IL16: variants seen among roughly 807,000 people sequenced by gnomAD.
IL16 encodes the protein pro-interleukin-16.
Under a neutral mutation model 110.1 loss-of-function variants are expected in IL16, and 67 were observed. The observed-to-expected ratio is 0.61, with a 90% CI of 0.50 to 0.75. The LOEUF (loss-of-function observed/expected upper bound fraction) is 0.75, where lower values mean the gene tolerates loss of function less well. Ranked by LOEUF, IL16 falls within the 30% of genes least tolerant of loss-of-function variation. IL16 has a pLI of 0.00. For missense variants in IL16, 1,545 were observed against 1,655.0 expected (o/e 0.93, Z 1.15); for synonymous variants, 689 against 662.9 (o/e 1.04, Z -0.61).
rs561382336 is a variant in IL16 at position 81,290,600 on chromosome 15, T to G, written c.1420+60T>G. The G allele has an allele frequency of 5.1e-6, 6 of 1,173,674 alleles. No homozygotes were observed. In the East Asian group the frequency reaches 9.6e-5, roughly 19 times the overall value. 72.7% of individuals were successfully genotyped at this position (1,173,674 alleles called of 1,614,324 possible). On this transcript the variant is annotated intron_variant, in intron 11 of 18. Transcript: ENST00000683961. ...TTTGCCTTCTTAGAAAGCTTAGGAT[T>G]TATCCATTAACTCATCCTCTATCCA... is the stretch of plus-strand genomic sequence containing the variant.
intron 12 of IL16, 120 bp from the exon 13 acceptor site, chr15:81,296,808 T>C (rs896927453): frequency 1.1e-6 from 1 of 873,792 alleles, no homozygotes; most frequent in Non-Finnish European, 1.8e-6. Context: ...TGGCTGCTGA[T>C]GAACTTCTCA....
chr15:81,281,686 C>T (rs1416648052), intron 8 of IL16, among the ~76,000 whole-genome samples: 1 of 152,250 alleles, frequency 6.6e-6, no homozygotes, highest in African/African-American at 2.4e-5. Flanking sequence ...CATAGCCCTC[C>T]CTGCTTTGGT....
intron 1 of IL16, among the ~76,000 whole-genome samples, chr15:81,206,895 C>T (rs113648489): frequency 5.0e-5 from 6 of 119,026 alleles, no homozygotes; most frequent in East Asian, 3.0e-4. Flanking sequence ...ATGATGATGA[C>T]GATGACATGG....
intron 2 of IL16, among the ~76,000 whole-genome samples, chr15:81,241,176 C>T (rs1897324441): frequency 6.6e-6 from 1 of 151,978 alleles, no homozygotes; most frequent in South Asian, 2.1e-4. Flanking sequence ...GATTTGTATG[C>T]CAATAAGCCA....
At chr15:81,215,278 A>T (rs1480235433) in intron 1 of IL16, among the ~76,000 whole-genome samples, 2 of 152,204 alleles carry the variant, frequency 1.3e-5, no homozygotes, top group Non-Finnish European at 2.9e-5. Flanking sequence ...TAAGTTGATT[A>T]TACTTAGTTG....
At chr15:81,274,340 G>A (rs1051961360) in intron 6 of IL16, among the ~76,000 whole-genome samples, 9 of 152,188 alleles carry the variant, frequency 5.9e-5, no homozygotes, top group African/African-American at 2.2e-4. Context: ...GAAATGAAAT[G>A]AAATCCAAAT....
chr15:81,260,904 A>G (rs77176404), intron 3 of IL16, among the ~76,000 whole-genome samples: 348 of 152,370 alleles, frequency 2.3e-3, no homozygotes, highest in Non-Finnish European at 3.9e-3. Flanking sequence ...TTTTCTAGAA[A>G]TGGAATTTGG....
intron 1 of IL16, among the ~76,000 whole-genome samples, chr15:81,183,918 G>A (rs982498548): frequency 1.3e-5 from 2 of 152,214 alleles, no homozygotes; most frequent in African/African-American, 2.4e-5. Context: ...CTAAGATAAA[G>A]TGTGTGAAAT....
chr15:81,292,679 G>C lies in IL16; in HGVS notation c.1544G>C (p.Ser515Thr). ...KVMIRSSSDS[S>T]YMSGSPGGSP... ...ATGATCCGCTCCAGCAGTGACAGCA[G>C]CTACATGTCTGGGTCCCCAGGGGGA... Residue 515 changes from serine (S) to threonine (T), a missense_variant, in exon 12 of 19, where the codon AGC (serine) becomes ACC (threonine). By Grantham distance (58) the Ser-to-Thr change is moderately conservative. Transcript: ENST00000683961. 6.2e-7 allele frequency: 1 copy of C among 1,614,204 alleles called. No individual in the cohort carries two copies. The highest frequency in any genetic ancestry group is 8.5e-7 in the Non-Finnish European group (1 of 1,180,032).
intron 12 of IL16, among the ~76,000 whole-genome samples, chr15:81,294,942 C>T (rs1899914255): frequency 6.6e-6 from 1 of 152,162 alleles, no homozygotes; most frequent in African/African-American, 2.4e-5. Flanking sequence ...AGTCTTTTCT[C>T]TACAGGGTCC....
intron 9 of IL16, among the ~76,000 whole-genome samples, chr15:81,284,211 C>T (rs1323820934): frequency 6.6e-6 from 1 of 152,172 alleles, no homozygotes; most frequent in African/African-American, 2.4e-5. Flanking sequence ...ACTTTGCACT[C>T]TAACATTTGT....
chr15:81,191,825 C>CG (rs1895501922), intron 1 of IL16, among the ~76,000 whole-genome samples: 1 of 152,116 alleles, frequency 6.6e-6, no homozygotes. Flanking sequence ...AAGAAAGAGC[C>CG]AGAAGGCCAG....
chr15:81,285,194 TGTTGA>T (rs1899389497), intron 9 of IL16, among the ~76,000 whole-genome samples: 1 of 152,160 alleles, frequency 6.6e-6, no homozygotes, highest in Admixed American at 6.5e-5. Flanking sequence ...ACTGCTCTCC[TGTTGA>T]GTTATTTTTT....
At chr15:81,219,825 C>T (rs1896555062) in intron 1 of IL16, among the ~76,000 whole-genome samples, 1 of 152,158 alleles carries the variant, frequency 6.6e-6, no homozygotes. Context: ...CAGGAAAAGT[C>T]TGTTGGAAAG....
At chr15:81,229,571 T>C (rs74030028) in intron 2 of IL16, among the ~76,000 whole-genome samples, 1,549 of 152,168 alleles carry the variant, frequency 0.01, 22 homozygotes, top group Middle Eastern at 0.044. Flanking sequence ...TCCTTAAAGA[T>C]CCAAGAGTGA....
At chr15:81,249,757 G>A (rs940514555) in intron 2 of IL16, among the ~76,000 whole-genome samples, 16 of 152,094 alleles carry the variant, frequency 1.1e-4, no homozygotes, top group African/African-American at 1.2e-4. Context: ...ATTACGTGAA[G>A]TATAATTCTA....
chr15:81,290,700 A>G lies in IL16; in HGVS notation c.1420+160A>G, dbSNP rs532600011. On this transcript the variant is annotated intron_variant, in intron 11 of 18. Coordinates refer to ENST00000683961, the MANE Select transcript of IL16 (RefSeq NM_172217.5). ...GCTGAAAACTAGCAGCCCACCAGCT[A>G]AATTTAGCTTATATTTTTGCTTTGT... 2.0e-5 allele frequency among the ~76,000 whole-genome samples: 3 copies of G among 152,342 alleles called. No homozygotes were observed. The East Asian group carries it at 5.8e-4, about 29-fold the overall frequency.
chr15:81,272,922 GTGT>G (rs67106640), intron 5 of IL16, among the ~76,000 whole-genome samples, 165 bp from the exon 6 acceptor site: 17 of 150,074 alleles, frequency 1.1e-4, no homozygotes, highest in South Asian at 6.3e-4. Flanking sequence ...GTTGTTGTTG[GTGT>G]TGTTGTTGTT....
At chr15:81,226,461 T>G (rs1009802903) in intron 2 of IL16, among the ~76,000 whole-genome samples, 4 of 152,202 alleles carry the variant, frequency 2.6e-5, no homozygotes, top group African/African-American at 9.6e-5. Flanking sequence ...CCCTAAACCA[T>G]GGGATCAGTG....
Sources: allele counts gnomAD v4.1 joint callset (sites outside exome capture counted in the v4.1 genomes callset), GRCh38; gene constraint gnomAD v4.1.1; transcripts MANE v1.5; gene names NCBI Gene and HGNC (gene_info 2026-07-23, HGNC 2026-07-21).